ARHGAP24: variants seen among roughly 807,000 people sequenced by gnomAD.
ARHGAP24 encodes Rho GTPase activating protein 24.
Under a neutral mutation model 76.4 loss-of-function variants are expected in ARHGAP24, and 50 were observed. The observed-to-expected ratio is 0.65, with a 90% CI of 0.52 to 0.83. The LOEUF (loss-of-function observed/expected upper bound fraction) is 0.83, where lower values mean the gene tolerates loss of function less well. Ranked by LOEUF, ARHGAP24 falls within the 40% of genes least tolerant of loss-of-function variation. The probability of loss-of-function intolerance (pLI) is 0.00; values close to 1 mark genes in which losing one functional copy is unlikely to be tolerated. For missense variants in ARHGAP24, 930 were observed against 914.2 expected (o/e 1.02, Z -0.22); for synonymous variants, 345 against 323.3 (o/e 1.07, Z -0.72).
At chr4:85,772,507 G>T (rs1470114202) in intron 3 of ARHGAP24, among the ~76,000 whole-genome samples, 4 of 152,144 alleles carry the variant, frequency 2.6e-5, no homozygotes, top group Non-Finnish European at 5.9e-5. Context: ...CATTGAAACT[G>T]AGTTAGCCTT....
intron 6 of ARHGAP24, among the ~76,000 whole-genome samples, chr4:85,973,923 A>G (rs1282009491): frequency 1.4e-5 from 2 of 139,618 alleles, no homozygotes; most frequent in Non-Finnish European, 3.0e-5. Context: ...GCTCACTGCA[A>G]GCTCCGCCTC....
At chr4:85,560,654 G>A (rs1726558297) in intron 1 of ARHGAP24, among the ~76,000 whole-genome samples, 1 of 152,126 alleles carries the variant, frequency 6.6e-6, no homozygotes, top group Non-Finnish European at 1.5e-5. Context: ...ATTCGTGGCT[G>A]TTGTGCTTCA....
chr4:85,912,039 A>G (rs1212031767), intron 3 of ARHGAP24, among the ~76,000 whole-genome samples: 1 of 152,200 alleles, frequency 6.6e-6, no homozygotes, highest in Non-Finnish European at 1.5e-5. Context: ...CCCTAATTCT[A>G]GAAACAGATT....
chr4:85,515,955 A>G (rs925531458), intron 1 of ARHGAP24, among the ~76,000 whole-genome samples: 1 of 152,112 alleles, frequency 6.6e-6, no homozygotes, highest in Non-Finnish European at 1.5e-5. Context: ...AAACTTGAAC[A>G]TCTTTGCCTA....
chr4:85,981,148 A>G (rs548491906), intron 8 of ARHGAP24, among the ~76,000 whole-genome samples: 98 of 152,198 alleles, frequency 6.4e-4, no homozygotes, highest in Non-Finnish European at 1.1e-3. Flanking sequence ...CATTTGTGTG[A>G]TATTTGAGCA....
intron 3 of ARHGAP24, among the ~76,000 whole-genome samples, chr4:85,896,614 T>G (rs1226874729): frequency 6.6e-6 from 1 of 152,210 alleles, no homozygotes; most frequent in Non-Finnish European, 1.5e-5. Flanking sequence ...TTGGGAGACA[T>G]AGGGCTAAAT....
chr4:85,630,350 T>G (rs1315246661), intron 2 of ARHGAP24, among the ~76,000 whole-genome samples: 1 of 152,206 alleles, frequency 6.6e-6, no homozygotes, highest in Non-Finnish European at 1.5e-5. Context: ...AGATTTCCAC[T>G]TCTTTAGGGT....
Position 85,662,925 on chromosome 4 carries a change from G to C in ARHGAP24, c.181-58960G>C, listed in dbSNP as rs1480288853. Among the ~76,000 whole-genome samples, 12 of 152,074 alleles carry C rather than the reference G, an allele frequency of 7.9e-5. No homozygotes were observed. The East Asian group carries it at 2.3e-3, about 29-fold the overall frequency. ...ATGCTGTTTTGGTTACTGTAGCTTT[G>C]TAGTATAGTTTGAAGTCAGGTAGCG... On this transcript the variant is annotated intron_variant, in intron 2 of 9. Coordinates refer to ENST00000395184, the MANE Select transcript of ARHGAP24 (RefSeq NM_001025616.3).
rs1722513981 is a variant in ARHGAP24, at chr4:85,475,173, G to A, written c.-407G>A. 6.6e-6 allele frequency: 1 copy of A among 152,464 alleles called. No individual in the cohort carries two copies. The highest frequency in any genetic ancestry group is 2.1e-4 in the South Asian group (1 of 4,832). 9.4% of individuals were successfully genotyped at this position (152,464 alleles called of 1,614,324 possible). A position where few individuals can be genotyped will look rare whatever the true frequency, so the allele number is the denominator to read the frequency against. ...CCCTTTCTAACTTCTGGGACTCTTTGCGCAACTGCTAGGATTTCTCAAGTG... is the reference window on the plus strand; with the variant it reads ...CCCTTTCTAACTTCTGGGACTCTTTACGCAACTGCTAGGATTTCTCAAGTG... On this transcript the variant is annotated 5_prime_UTR_variant, in exon 1 of 10. Coordinates refer to ENST00000395184, the MANE Select transcript of ARHGAP24 (RefSeq NM_001025616.3).
At chr4:85,561,929 T>C (rs1726616186) in intron 1 of ARHGAP24, among the ~76,000 whole-genome samples, 1 of 152,004 alleles carries the variant, frequency 6.6e-6, no homozygotes, top group African/African-American at 2.4e-5. Context: ...TAGAATGTGG[T>C]GAGGGATGAA....
At chr4:85,525,464 C>T (rs962451576) in intron 1 of ARHGAP24, among the ~76,000 whole-genome samples, 5 of 151,300 alleles carry the variant, frequency 3.3e-5, no homozygotes, top group East Asian at 3.9e-4. Flanking sequence ...TGTTAGTTTA[C>T]GCAGTTCTGA....
chr4:85,539,055 A>AT (rs1725579928), intron 1 of ARHGAP24, among the ~76,000 whole-genome samples: 1 of 152,200 alleles, frequency 6.6e-6, no homozygotes, highest in Non-Finnish European at 1.5e-5. Context: ...TAAATATATC[A>AT]TGGAATATGA....
At chr4:85,655,470 T>G (rs1722102909) in intron 2 of ARHGAP24, among the ~76,000 whole-genome samples, 1 of 151,488 alleles carries the variant, frequency 6.6e-6, no homozygotes, top group African/African-American at 2.4e-5. Context: ...CTCTCAATCA[T>G]GGACATCAAA....
intron 2 of ARHGAP24, among the ~76,000 whole-genome samples, chr4:85,582,971 T>A (rs1253318459): frequency 1.3e-5 from 2 of 152,128 alleles, no homozygotes. Context: ...ATATTCTGGA[T>A]TGAGAAACAG....
At chr4:85,836,196 C>T (rs1730280459) in intron 3 of ARHGAP24, among the ~76,000 whole-genome samples, 1 of 152,132 alleles carries the variant, frequency 6.6e-6, no homozygotes, top group Non-Finnish European at 1.5e-5. Flanking sequence ...TTGTGGTACA[C>T]CAAACATTTC....
intron 2 of ARHGAP24, among the ~76,000 whole-genome samples, chr4:85,695,110 C>G (rs1027964583): frequency 6.6e-6 from 1 of 152,190 alleles, no homozygotes; most frequent in African/African-American, 2.4e-5. Flanking sequence ...CAGACTTCAT[C>G]TCAACTGGAA....
intron 3 of ARHGAP24, chr4:85,722,466 G>C (rs1283595226): frequency 1.2e-5 from 2 of 165,236 alleles, no homozygotes; most frequent in African/African-American, 4.9e-5. Context: ...AAGTATTACA[G>C]TTCTGTACCT....
At chr4:85,981,944 T>C (rs1288772848) in intron 8 of ARHGAP24, among the ~76,000 whole-genome samples, 1 of 152,126 alleles carries the variant, frequency 6.6e-6, no homozygotes, top group East Asian at 1.9e-4. Flanking sequence ...TCCAGGACCA[T>C]CAGAGCCCCC....
At chr4:85,656,068 A>G (rs1303693089) in intron 2 of ARHGAP24, among the ~76,000 whole-genome samples, 1 of 152,122 alleles carries the variant, frequency 6.6e-6, no homozygotes, top group African/African-American at 2.4e-5. Flanking sequence ...GCCTACAGCT[A>G]TTGCAACTTG....
Sources: gnomAD v4.1 joint callset for allele counts (sites outside exome capture counted in the v4.1 genomes callset) on GRCh38, gnomAD v4.1.1 for gene constraint, MANE v1.5 for transcripts, NCBI Gene and HGNC (gene_info 2026-07-23, HGNC 2026-07-21) for gene names.